FGFR2: variants seen among roughly 807,000 people sequenced by gnomAD.
FGFR2 encodes fibroblast growth factor receptor 2.
FGFR2 carries 19 observed loss-of-function variants against 95.9 expected under a neutral mutation model. The ratio of observed to expected loss-of-function variants is 0.20; its 90% CI spans 0.14 to 0.29. The LOEUF (loss-of-function observed/expected upper bound fraction) is 0.29. Among genes scored for constraint, FGFR2 ranks in the 10% least tolerant of loss-of-function variants. The probability of loss-of-function intolerance (pLI) is 1.00; values close to 1 mark genes in which losing one functional copy is unlikely to be tolerated. For synonymous variants in FGFR2, 392 were observed against 393.3 expected (o/e 1.00, Z 0.04); for missense variants, 707 against 1,056.9 (o/e 0.67, Z 4.59).
chr10:121,494,568 C>T (rs1190324525), intron 13 of FGFR2, among the ~76,000 whole-genome samples: 1 of 152,120 alleles, frequency 6.6e-6, no homozygotes, highest in African/African-American at 2.4e-5. Context: ...GGGCTACCCT[C>T]CCCAGGCTTA....
rs941940095 is a variant in FGFR2, at chr10:121,520,334, G to A, written c.749-165C>T. ...CTGTGGCCCCATGAATAACAGAAAC[G>A]ACTTCAAAGGAGACTGCCGGAGCGC... On this transcript the variant is annotated intron_variant, in intron 6 of 17. Transcript: ENST00000358487. Among the ~76,000 whole-genome samples, 6 of 152,318 alleles carry A rather than the reference G, an allele frequency of 3.9e-5. No individual in the cohort carries two copies. The Middle Eastern group carries it at 0.01, about 259-fold the overall frequency.
intron 9 of FGFR2, among the ~76,000 whole-genome samples, chr10:121,505,024 C>G (rs1323135476): frequency 6.6e-6 from 1 of 152,204 alleles, no homozygotes; most frequent in Non-Finnish European, 1.5e-5. Flanking sequence ...TGGGCTCTGT[C>G]TCCTGCGTGA....
At chr10:121,595,911 G>T (rs1429708807) in intron 1 of FGFR2, among the ~76,000 whole-genome samples, 2 of 152,198 alleles carry the variant, frequency 1.3e-5, no homozygotes, top group African/African-American at 4.8e-5. Flanking sequence ...CAAACCCCAC[G>T]GCAGCCCCCT....
intron 5 of FGFR2, among the ~76,000 whole-genome samples, chr10:121,543,299 C>T (rs2134683131): frequency 6.6e-6 from 1 of 152,282 alleles, no homozygotes; most frequent in African/African-American, 2.4e-5. Flanking sequence ...CATTTGAGGA[C>T]AGGAGTTCGA....
At chr10:121,578,803 G>A (rs1263353199) in intron 2 of FGFR2, among the ~76,000 whole-genome samples, 3 of 152,180 alleles carry the variant, frequency 2.0e-5, no homozygotes, top group Non-Finnish European at 4.4e-5. Context: ...CCAGCTACTC[G>A]GGAGGCTGAG....
At chr10:121,496,003 C>T (rs1424764511) in intron 13 of FGFR2, among the ~76,000 whole-genome samples, 3 of 152,174 alleles carry the variant, frequency 2.0e-5, no homozygotes, top group Admixed American at 2.0e-4. Flanking sequence ...AACTTCTAAC[C>T]ACAGAGGGTC....
At chr10:121,533,484 A>T (rs2134511667) in intron 6 of FGFR2, among the ~76,000 whole-genome samples, 1 of 152,306 alleles carries the variant, frequency 6.6e-6, no homozygotes, top group East Asian at 1.9e-4. Context: ...CAAAATATCA[A>T]ATGCCAGGCA....
At chr10:121,548,864 C>T (rs1033869248) in intron 5 of FGFR2, among the ~76,000 whole-genome samples, 3 of 152,062 alleles carry the variant, frequency 2.0e-5, no homozygotes, top group Non-Finnish European at 4.4e-5. Flanking sequence ...TAACCAGCAT[C>T]CCCCCATGAA....
intron 5 of FGFR2, among the ~76,000 whole-genome samples, chr10:121,543,012 G>T (rs1451679430): frequency 6.6e-6 from 1 of 152,192 alleles, no homozygotes; most frequent in Admixed American, 6.5e-5. Context: ...GAATAAACAT[G>T]CAGAAGGTGA....
intron 15 of FGFR2, among the ~76,000 whole-genome samples, chr10:121,486,586 C>T (rs1000661446): frequency 6.6e-6 from 1 of 152,200 alleles, no homozygotes; most frequent in African/African-American, 2.4e-5. Context: ...AGATTACAGA[C>T]ACGCATAACT....
Position 121,538,112 on chromosome 10 carries a change from G to A in FGFR2, c.748+480C>T, listed in dbSNP as rs939746203. 15 of 564,172 alleles carry A rather than the reference G, an allele frequency of 2.7e-5. No homozygotes were observed. The African/African-American group carries it at 2.8e-4, about 11-fold the overall frequency. 34.9% of individuals were successfully genotyped at this position (564,172 alleles called of 1,614,324 possible). On this transcript the variant is annotated intron_variant, in intron 6 of 17. Coordinates refer to ENST00000358487, the MANE Select transcript of FGFR2 (RefSeq NM_000141.5). ...ATTGGTACCGTCTAATGACTTTCTT[G>A]TGATGGAAGTGAAGGGCCCTCAACA...
intron 2 of FGFR2, among the ~76,000 whole-genome samples, chr10:121,572,181 G>A (rs996451120): frequency 2.7e-5 from 4 of 150,550 alleles, no homozygotes; most frequent in African/African-American, 7.3e-5. Context: ...AAAAAAAGCC[G>A]GGAATGATGA....
At chr10:121,540,557 GGTATAAGCTCCTT>G (rs1853565585) in intron 5 of FGFR2, among the ~76,000 whole-genome samples, 1 of 152,104 alleles carries the variant, frequency 6.6e-6, no homozygotes, top group African/African-American at 2.4e-5. Context: ...GGGACACATA[GGTATAAGCTCCTT>G]GATTTTACTT....
At chr10:121,578,336 G>C (rs1292538707) in intron 2 of FGFR2, among the ~76,000 whole-genome samples, 1 of 152,088 alleles carries the variant, frequency 6.6e-6, no homozygotes, top group African/African-American at 2.4e-5. Flanking sequence ...CTACCTACAA[G>C]CCCACCCAGC....
At chr10:121,511,308 A>G (rs1589808001) in intron 9 of FGFR2, among the ~76,000 whole-genome samples, 1 of 152,256 alleles carries the variant, frequency 6.6e-6, no homozygotes, top group Non-Finnish European at 1.5e-5. Flanking sequence ...ATCCTACCCT[A>G]TGGAAGCTTC....
At chr10:121,521,977 A>T (rs2912764) in intron 6 of FGFR2, among the ~76,000 whole-genome samples, 2 of 152,148 alleles carry the variant, frequency 1.3e-5, no homozygotes, top group African/African-American at 2.4e-5. Context: ...AGAAGGAGGA[A>T]ATGGTGCAAT....
chr10:121,489,208 G>A (rs1289606312), intron 13 of FGFR2, among the ~76,000 whole-genome samples: 2 of 152,110 alleles, frequency 1.3e-5, no homozygotes, highest in Non-Finnish European at 2.9e-5. Context: ...GAGTAGCTGA[G>A]ACTACAGGTG....
At chr10:121,556,825 C>T (rs1346340594) in intron 4 of FGFR2, among the ~76,000 whole-genome samples, 1 of 152,212 alleles carries the variant, frequency 6.6e-6, no homozygotes, top group Non-Finnish European at 1.5e-5. Context: ...TAAAGCCCCA[C>T]TAAAGCCTCT....
At chr10:121,497,299 T>C (rs1846998004) in intron 12 of FGFR2, among the ~76,000 whole-genome samples, 1 of 152,164 alleles carries the variant, frequency 6.6e-6, no homozygotes, top group Admixed American at 6.5e-5. Flanking sequence ...GTCACTCTCA[T>C]GCTGTCACCT....
Sources: allele counts gnomAD v4.1 joint callset (sites outside exome capture counted in the v4.1 genomes callset), GRCh38; gene constraint gnomAD v4.1.1; transcripts MANE v1.5; gene names NCBI Gene and HGNC (gene_info 2026-07-23, HGNC 2026-07-21).